Variants in FAM184B observed in about 807,000 individuals in gnomAD.
FAM184B encodes protein FAM184B.
Under a neutral mutation model 135.9 loss-of-function variants are expected in FAM184B, and 111 were observed. The observed-to-expected ratio is 0.82, with a 90% confidence interval of 0.70 to 0.96. The LOEUF is 0.96. FAM184B is among the 40% of genes least tolerant of loss of function. The pLI is 0.00. For missense variants in FAM184B, 1,375 were observed against 1,323.9 expected, an observed-to-expected ratio of 1.04 and a Z score of -0.60; for synonymous variants, 552 against 524.8, an observed-to-expected ratio of 1.05 and a Z score of -0.71.
intron 1 of FAM184B, among the ~76,000 whole-genome samples, chr4:17,770,981 C>CAGATT (rs1347969653): frequency 6.6e-6 from 1 of 152,224 alleles, no homozygotes; most frequent in East Asian, 1.9e-4. Context: ...GTGAGTCACA[C>CAGATT]TCCTCTTTGT....
At chr4:17,731,648 C>A (rs1427721004) in intron 1 of FAM184B, among the ~76,000 whole-genome samples, 1 of 152,184 alleles carries the variant, frequency 6.6e-6, no homozygotes, top group East Asian at 1.9e-4. Context: ...TATAAATGCA[C>A]CCAATACAGG....
chr4:17,638,112 C>G (rs909801333), intron 14 of FAM184B, among the ~76,000 whole-genome samples: 1 of 142,416 alleles, frequency 7.0e-6, no homozygotes, highest in Non-Finnish European at 1.5e-5. Flanking sequence ...CTTTCACCGC[C>G]TGGTATGATG....
intron 11 of FAM184B, among the ~76,000 whole-genome samples, chr4:17,651,685 G>A (rs1715622511): frequency 6.6e-6 from 1 of 152,018 alleles, no homozygotes; most frequent in Non-Finnish European, 1.5e-5. Context: ...ACAGCCCAGT[G>A]AAGTGAATGC....
At chr4:17,757,836 G>A (rs1718455902) in intron 1 of FAM184B, among the ~76,000 whole-genome samples, 1 of 152,162 alleles carries the variant, frequency 6.6e-6, no homozygotes, top group Non-Finnish European at 1.5e-5. Flanking sequence ...CAAGAGTTCT[G>A]AGAAATATAG....
intron 1 of FAM184B, among the ~76,000 whole-genome samples, chr4:17,715,788 A>G (rs113318011): frequency 2.6e-5 from 4 of 152,118 alleles, no homozygotes; most frequent in African/African-American, 9.7e-5. Context: ...TTTAAAAAAA[A>G]AGAGATTTCT....
intron 1 of FAM184B, among the ~76,000 whole-genome samples, chr4:17,774,108 G>A (rs542535579): frequency 1.3e-5 from 2 of 152,278 alleles, no homozygotes; most frequent in African/African-American, 2.4e-5. Flanking sequence ...CGAGAGTGGC[G>A]GCTCACGCCT....
In FAM184B at chr4:17,740,403, T is replaced by C. The variant is rs60684305; in HGVS notation, c.142-30759A>G. 3.2e-3 allele frequency among the ~76,000 whole-genome samples: 473 copies of C among 148,180 alleles called. 3 individuals are homozygous for C. Among genetic ancestry groups the C allele is most frequent in the African/African-American group, 0.011 (442 of 40,202 alleles). On this transcript the variant is annotated intron_variant, in intron 1 of 17. Coordinates refer to ENST00000265018, the MANE Select transcript of FAM184B (RefSeq NM_015688.2). ...GTGGAGTCATAAGCAAATGGGTGTA[T>C]GTTAAATGGTTCACACCACAACAAC... is the stretch of plus-strand genomic sequence containing the variant.
chr4:17,641,232 C>G (rs1344698430), intron 13 of FAM184B, among the ~76,000 whole-genome samples: 1 of 152,018 alleles, frequency 6.6e-6, no homozygotes, highest in Non-Finnish European at 1.5e-5. Flanking sequence ...CCACGCCAGC[C>G]GAGGCTGGAG....
chr4:17,725,003 A>G (rs565896155), intron 1 of FAM184B, among the ~76,000 whole-genome samples: 14 of 152,234 alleles, frequency 9.2e-5, no homozygotes, highest in African/African-American at 3.1e-4. Context: ...CTCAATCTCT[A>G]TCTGCCCCCG....
chr4:17,642,017 T>A (rs1040911929), intron 13 of FAM184B, 39 bp downstream of exon 13: 1 of 1,491,392 alleles, frequency 6.7e-7, no homozygotes, highest in African/African-American at 1.5e-5. Flanking sequence ...GGGTAGGGGG[T>A]GAGGGTGGCG....
intron 1 of FAM184B, among the ~76,000 whole-genome samples, chr4:17,728,753 T>TA (rs991410094): frequency 6.6e-6 from 1 of 152,062 alleles, no homozygotes; most frequent in Non-Finnish European, 1.5e-5. Context: ...TTAAATTTTT[T>TA]AAAAAAAATT....
rs1031638348 is a variant in FAM184B, at chr4:17,630,476, C to T, written c.*2056G>A. ...GGCACCCATTTCTGAAGAATGGGCC[C>T]TCCCCAGACTCCATATCTGCTGGTG... On this transcript the variant is annotated 3_prime_UTR_variant, in exon 18 of 18. Coordinates refer to ENST00000265018, the MANE Select transcript of FAM184B (RefSeq NM_015688.2). The T allele has an allele frequency of 1.1e-4, 16 of 152,312 alleles. No individual in the cohort carries two copies. Among genetic ancestry groups the T allele is most frequent in the African/African-American group, 3.4e-4 (14 of 41,566 alleles). 9.4% of individuals were successfully genotyped at this position (152,312 alleles called of 1,614,324 possible).
chr4:17,659,905 A>G, intron 9 of FAM184B, 53 bp downstream of exon 9: 1 of 1,539,070 alleles, frequency 6.5e-7, no homozygotes, highest in Non-Finnish European at 8.8e-7. Context: ...GTTTGTAAAA[A>G]GGAGGGGGCA....
At chr4:17,661,348 C>T (rs553868527) in intron 8 of FAM184B, among the ~76,000 whole-genome samples, 19 of 152,170 alleles carry the variant, frequency 1.2e-4, no homozygotes, top group African/African-American at 4.3e-4. Flanking sequence ...GTCAGGAGTT[C>T]GAGACCAGCC....
chr4:17,666,938 T>G (rs191302478), intron 7 of FAM184B, among the ~76,000 whole-genome samples: 1 of 149,702 alleles, frequency 6.7e-6, no homozygotes, highest in Non-Finnish European at 1.5e-5. Flanking sequence ...TACACCCACT[T>G]TTTTTTTTGT....
chr4:17,736,488 T>C lies in FAM184B; in HGVS notation c.142-26844A>G, dbSNP rs184949851. Reference sequence around the variant, plus strand: ...GAGGGTTAAATAAGGTGGAAATGTCTGCTTCTCTTGGGACAACAGTCTCAA... The same window carrying C: ...GAGGGTTAAATAAGGTGGAAATGTCCGCTTCTCTTGGGACAACAGTCTCAA... On this transcript the variant is annotated intron_variant, in intron 1 of 17. Transcript: ENST00000265018. 3.3e-5 allele frequency among the ~76,000 whole-genome samples: 5 copies of C among 152,338 alleles called. No individual in the cohort carries two copies. The East Asian group carries it at 9.6e-4, about 29-fold the overall frequency.
chr4:17,761,853 C>T (rs955805373), intron 1 of FAM184B, among the ~76,000 whole-genome samples: 1 of 152,066 alleles, frequency 6.6e-6, no homozygotes, highest in African/African-American at 2.4e-5. Flanking sequence ...GGCCTCAACC[C>T]ACCTTACCTC....
intron 1 of FAM184B, among the ~76,000 whole-genome samples, chr4:17,726,068 C>G (rs1316959419): frequency 6.6e-6 from 1 of 151,478 alleles, no homozygotes. Flanking sequence ...GGACTACAGG[C>G]ACCCGCCACC....
At chr4:17,776,904 G>C (rs796460605) in intron 1 of FAM184B, among the ~76,000 whole-genome samples, 8 of 152,290 alleles carry the variant, frequency 5.3e-5, no homozygotes, top group African/African-American at 1.9e-4. Flanking sequence ...GGATGTACTA[G>C]GAGATTGTGC....
Sources: gnomAD v4.1 joint callset for allele counts (sites outside exome capture counted in the v4.1 genomes callset) on GRCh38, gnomAD v4.1.1 for gene constraint, MANE v1.5 for transcripts, NCBI Gene and HGNC (gene_info 2026-07-23, HGNC 2026-07-21) for gene names.